The following SRPK2 variants were observed in gnomAD, a reference collection of about 807,000 sequenced individuals.
SRPK2 encodes the protein SFRS protein kinase 2.
Under a neutral mutation model 90.8 loss-of-function variants are expected in SRPK2, and 21 were observed. The ratio of observed to expected loss-of-function variants is 0.23; its 90% CI spans 0.16 to 0.33. The LOEUF is 0.33. Among genes scored for constraint, SRPK2 ranks in the 10% least tolerant of loss-of-function variants. SRPK2 has a pLI of 1.00. For synonymous variants in SRPK2, 288 were observed against 311.1 expected, an observed-to-expected ratio of 0.93 and a Z score of 0.78; for missense variants, 620 against 869.0, an observed-to-expected ratio of 0.71 and a Z score of 3.60.
Position 105,143,268 on chromosome 7 carries a change from C to T in SRPK2, c.876G>A (p.Glu292=), listed in dbSNP as rs1442231403. The T allele has an allele frequency of 6.2e-7, 1 of 1,614,134 alleles. No homozygotes were observed. Residue 292 remains glutamate (E), a synonymous_variant, in exon 10 of 16, where the codon GAG becomes GAA. Transcript: ENST00000393651. ...KLKKKQKRQA[E]LLEKRLQEIE... is the part of the protein sequence containing the mutation. ...TCTCCTGCAGGCGCTTCTCCAATAA[C>T]TCAGCCTGCCTCTTCTGTTTCTTTT...
At chr7:105,353,476 A>G (rs966061953) in intron 2 of SRPK2, among the ~76,000 whole-genome samples, 5 of 151,798 alleles carry the variant, frequency 3.3e-5, no homozygotes, top group Admixed American at 2.0e-4. Context: ...AGTAGCTGGG[A>G]TTACAGGAGC....
intron 3 of SRPK2, among the ~76,000 whole-genome samples, chr7:105,174,097 A>C (rs555174029): frequency 2.0e-5 from 3 of 150,696 alleles, no homozygotes; most frequent in Admixed American, 6.6e-5. Context: ...AAAAAAAAAA[A>C]CTCTTATCGG....
chr7:105,249,626 G>T (rs1456211636), intron 2 of SRPK2, among the ~76,000 whole-genome samples: 1 of 151,968 alleles, frequency 6.6e-6, no homozygotes, highest in Non-Finnish European at 1.5e-5. Context: ...CACCATTTTG[G>T]GCATCAGTTT....
At chr7:105,325,854 G>A (rs772091293) in intron 2 of SRPK2, among the ~76,000 whole-genome samples, 1 of 152,144 alleles carries the variant, frequency 6.6e-6, no homozygotes, top group Admixed American at 6.5e-5. Context: ...CTGTCTCTTT[G>A]GTGTATGTGC....
At chr7:105,268,012 T>C (rs1036777999) in intron 2 of SRPK2, among the ~76,000 whole-genome samples, 23 of 152,308 alleles carry the variant, frequency 1.5e-4, no homozygotes, top group Admixed American at 4.6e-4. Context: ...ATACACTATT[T>C]TGGTAAACAG....
At chr7:105,282,906 A>AC in intron 2 of SRPK2, among the ~76,000 whole-genome samples, 1 of 150,552 alleles carries the variant, frequency 6.6e-6, no homozygotes, top group Non-Finnish European at 1.5e-5. Context: ...AAAAAAAAAA[A>AC]CTAGCATCCA....
At chr7:105,125,821 TA>T (rs1473581355) in intron 15 of SRPK2, 1 of 1,292,772 alleles carries the variant, frequency 7.7e-7, no homozygotes, top group Non-Finnish European at 1.0e-6. Context: ...TTCCCCAACA[TA>T]GCGTATTTTC....
intron 2 of SRPK2, among the ~76,000 whole-genome samples, chr7:105,355,928 A>C (rs1021126618): frequency 6.6e-6 from 1 of 152,188 alleles, no homozygotes; most frequent in African/African-American, 2.4e-5. Flanking sequence ...ATCTGCCAGT[A>C]GTCCAGCTAC....
chr7:105,383,602 TAG>T (rs756274089), intron 2 of SRPK2, among the ~76,000 whole-genome samples: 20 of 151,448 alleles, frequency 1.3e-4, no homozygotes, highest in Non-Finnish European at 2.2e-4. Context: ...GTATTTTTAG[TAG>T]AGACGGGGTT....
rs371709791 is a variant in SRPK2 at position 105,155,444 on chromosome 7, C to T, written c.621+5063G>A. ...TCAAGTCTGTCACCAAAGCACAATA[C>T]ACCTTACACTTTCTCTTATCCCAGT... is the stretch of plus-strand genomic sequence containing the variant. On this transcript the variant is annotated intron_variant, in intron 7 of 15. Transcript: ENST00000393651. Among the ~76,000 whole-genome samples the T allele has an allele frequency of 2.0e-5, 3 of 152,332 alleles. No homozygotes were observed. The East Asian group carries it at 5.8e-4, about 29-fold the overall frequency.
intron 2 of SRPK2, among the ~76,000 whole-genome samples, chr7:105,382,816 C>T (rs1821099045): frequency 2.0e-5 from 3 of 151,848 alleles, no homozygotes; most frequent in Admixed American, 2.0e-4. Flanking sequence ...GGTGATTATT[C>T]TAATCTACAC....
intron 2 of SRPK2, among the ~76,000 whole-genome samples, chr7:105,380,847 A>T (rs1008913040): frequency 6.6e-6 from 1 of 151,728 alleles, no homozygotes; most frequent in African/African-American, 2.4e-5. Context: ...AATTAAAAAT[A>T]ATTAGTGGAG....
chr7:105,143,011 A>T, intron 10 of SRPK2, 73 bp downstream of exon 10: 13 of 1,547,622 alleles, frequency 8.4e-6, no homozygotes, highest in Middle Eastern at 1.7e-4. Flanking sequence ...ATCAGCCCCC[A>T]TGTTGACCTG....
At chr7:105,261,337 C>T (rs996745795) in intron 2 of SRPK2, among the ~76,000 whole-genome samples, 1 of 152,034 alleles carries the variant, frequency 6.6e-6, no homozygotes, top group African/African-American at 2.4e-5. Flanking sequence ...CTGGCTGACA[C>T]TGTGAAACCC....
chr7:105,276,082 A>ATT (rs1402846454), intron 2 of SRPK2, among the ~76,000 whole-genome samples: 28 of 132,814 alleles, frequency 2.1e-4, no homozygotes, highest in Non-Finnish European at 3.6e-4. Flanking sequence ...GGATATATAT[A>ATT]TATTTTTTTT....
intron 2 of SRPK2, among the ~76,000 whole-genome samples, chr7:105,337,618 T>C (rs1483458728): frequency 1.3e-5 from 2 of 151,972 alleles, no homozygotes; most frequent in Non-Finnish European, 2.9e-5. Flanking sequence ...ACTGGCCTCA[T>C]GATAGGATTA....
chr7:105,378,757 G>C (rs181079041), intron 2 of SRPK2, among the ~76,000 whole-genome samples: 3 of 132,182 alleles, frequency 2.3e-5, no homozygotes, highest in African/African-American at 8.1e-5. Context: ...GAAAGACTCC[G>C]TCTCAAAAAA....
At chr7:105,181,904 CA>C (rs1285118896) in intron 3 of SRPK2, among the ~76,000 whole-genome samples, 4 of 137,514 alleles carry the variant, frequency 2.9e-5, no homozygotes, top group South Asian at 2.3e-4. Context: ...AAACAGAAAA[CA>C]CACACACAAA....
intron 2 of SRPK2, among the ~76,000 whole-genome samples, chr7:105,208,646 A>G (rs1029306668): frequency 1.1e-4 from 17 of 152,264 alleles, no homozygotes; most frequent in Admixed American, 9.8e-4. Flanking sequence ...GGAAATGGAG[A>G]AAAAAGGAGG....
Sources: allele counts gnomAD v4.1 joint callset (sites outside exome capture counted in the v4.1 genomes callset), GRCh38; gene constraint gnomAD v4.1.1; transcripts MANE v1.5; gene names NCBI Gene and HGNC (gene_info 2026-07-23, HGNC 2026-07-21).